The following ADAM12 variants were observed in gnomAD, a reference collection of about 807,000 sequenced individuals.
ADAM12 encodes ADAM metallopeptidase domain 12, also known as disintegrin and metalloproteinase domain-containing protein 12.
ADAM12 carries 70 observed loss-of-function variants against 106.4 expected under a neutral mutation model. That is an observed-to-expected ratio of 0.66 (90% CI 0.54 to 0.80). ADAM12 has a LOEUF of 0.80. ADAM12 is among the 30% of genes least tolerant of loss of function. The pLI, the probability that ADAM12 is intolerant of heterozygous loss-of-function variation, is 0.00. For missense variants in ADAM12, 1,010 were observed against 1,171.9 expected (o/e 0.86, Z 2.02); for synonymous variants, 420 against 433.5 (o/e 0.97, Z 0.39).
At chr10:126,208,151 T>TA (rs1387757876) in intron 3 of ADAM12, among the ~76,000 whole-genome samples, 4 of 152,180 alleles carry the variant, frequency 2.6e-5, no homozygotes, top group African/African-American at 9.7e-5. Context: ...CTGGGAGATT[T>TA]AAAGAAGCCA....
intron 2 of ADAM12, among the ~76,000 whole-genome samples, chr10:126,322,789 T>C (rs938534855): frequency 6.6e-6 from 1 of 152,200 alleles, no homozygotes; most frequent in African/African-American, 2.4e-5. Context: ...GGTTCCAACA[T>C]CCACGGTTCT....
At chr10:126,343,211 A>G (rs1413742898) in intron 1 of ADAM12, among the ~76,000 whole-genome samples, 1 of 119,874 alleles carries the variant, frequency 8.3e-6, no homozygotes, top group African/African-American at 3.2e-5. Flanking sequence ...CTGGTGTGTG[A>G]TGTTCTCTTT....
chr10:126,161,380 G>A (rs888178550), intron 3 of ADAM12, among the ~76,000 whole-genome samples: 4 of 152,186 alleles, frequency 2.6e-5, no homozygotes, highest in Non-Finnish European at 5.9e-5. Context: ...CCAAGGTCAT[G>A]CCATCCATGA....
chr10:126,206,768 CA>C (rs1234573426), intron 3 of ADAM12, among the ~76,000 whole-genome samples: 14 of 142,190 alleles, frequency 9.8e-5, no homozygotes, highest in Admixed American at 4.6e-4. Flanking sequence ...TCTCTGCAGG[CA>C]GGGAGGAAGG....
At position 126,340,404 on chromosome 10, in the gene ADAM12, C is replaced by G. The variant is rs1382261451; in HGVS notation, c.89-9895G>C. Among the ~76,000 whole-genome samples the G allele has an allele frequency of 2.0e-5, 3 of 152,166 alleles. No homozygotes were observed. The South Asian group carries it at 6.2e-4, about 32-fold the overall frequency. ...TACCTTGTTTAAACCCAACAACAACCCTGTGATATTTATCCCCATCTCATA... is the reference window on the plus strand; with the variant it reads ...TACCTTGTTTAAACCCAACAACAACGCTGTGATATTTATCCCCATCTCATA... On this transcript the variant is annotated intron_variant, in intron 1 of 22. Transcript: ENST00000448723.
chr10:126,098,562 T>C (rs1565054860), intron 9 of ADAM12, 62 bp from the exon 10 acceptor site: 37 of 1,412,388 alleles, frequency 2.6e-5, no homozygotes, highest in Non-Finnish European at 3.6e-5. Context: ...CTCTAATATT[T>C]AAAAATTCTG....
At chr10:126,259,816 A>G (rs768267259) in intron 3 of ADAM12, among the ~76,000 whole-genome samples, 13 of 152,240 alleles carry the variant, frequency 8.5e-5, no homozygotes, top group South Asian at 2.1e-4. Context: ...TGGGCCAAAC[A>G]TCTAACACTG....
intron 2 of ADAM12, among the ~76,000 whole-genome samples, chr10:126,290,939 T>C (rs1017832167): frequency 6.6e-6 from 1 of 152,214 alleles, no homozygotes; most frequent in Non-Finnish European, 1.5e-5. Flanking sequence ...GTGTAGAATG[T>C]TTTAAGCTAA....
At chr10:126,324,997 G>C (rs1854242739) in intron 2 of ADAM12, among the ~76,000 whole-genome samples, 1 of 152,126 alleles carries the variant, frequency 6.6e-6, no homozygotes, top group African/African-American at 2.4e-5. Flanking sequence ...GCCCCTAGGT[G>C]CAAGTAGACC....
At chr10:126,292,428 C>T (rs1960194047) in intron 2 of ADAM12, among the ~76,000 whole-genome samples, 1 of 152,168 alleles carries the variant, frequency 6.6e-6, no homozygotes, top group African/African-American at 2.4e-5. Context: ...CAGCTCTCCC[C>T]TGGCTACTCT....
At position 126,135,574 on chromosome 10, in the gene ADAM12, G is replaced by C. The variant is rs773880941; in HGVS notation, c.416+10C>G. The C allele has an allele frequency of 6.2e-7, 1 of 1,613,468 alleles. No homozygotes were observed. The highest frequency in any genetic ancestry group is 1.3e-5 in the African/African-American group (1 of 75,012). ...TGAAGACTAGAGCCGCCATGGTCAT[G>C]GCCACTTACCTGAGACCAGAACACG... On this transcript the variant is annotated intron_variant, in intron 5 of 22. Transcript: ENST00000448723.
intron 1 of ADAM12, among the ~76,000 whole-genome samples, chr10:126,375,232 G>T (rs1348017697): frequency 6.6e-6 from 1 of 150,856 alleles, no homozygotes; most frequent in Non-Finnish European, 1.5e-5. Flanking sequence ...AGTGGAAGTG[G>T]TTTGCAAGAA....
chr10:126,089,040 G>A (rs1324254802), intron 11 of ADAM12, among the ~76,000 whole-genome samples: 3 of 151,992 alleles, frequency 2.0e-5, no homozygotes, highest in East Asian at 1.9e-4. Context: ...TGCACAACAC[G>A]AACACGCTGC....
At chr10:126,338,206 C>A (rs1312253815) in intron 1 of ADAM12, among the ~76,000 whole-genome samples, 1 of 151,784 alleles carries the variant, frequency 6.6e-6, no homozygotes, top group African/African-American at 2.4e-5. Flanking sequence ...ATGGTGCCTC[C>A]CAGCTGTGGG....
chr10:126,142,064 C>T (rs1956522399), intron 4 of ADAM12, among the ~76,000 whole-genome samples: 1 of 152,192 alleles, frequency 6.6e-6, no homozygotes, highest in African/African-American at 2.4e-5. Flanking sequence ...CCTCTCAACT[C>T]TAGGCCAGAC....
At chr10:126,250,691 CAT>C (rs1958729121) in intron 3 of ADAM12, among the ~76,000 whole-genome samples, 2 of 152,154 alleles carry the variant, frequency 1.3e-5, no homozygotes, top group Non-Finnish European at 2.9e-5. Flanking sequence ...TGTAGATTCA[CAT>C]GTGTTTATTA....
chr10:126,227,676 A>G (rs946615356), intron 3 of ADAM12, among the ~76,000 whole-genome samples: 1 of 152,188 alleles, frequency 6.6e-6, no homozygotes, highest in Non-Finnish European at 1.5e-5. Flanking sequence ...GCATTCAGGA[A>G]GGCACCGTGT....
chr10:126,055,527 C>G (rs897658508), intron 14 of ADAM12, among the ~76,000 whole-genome samples: 2 of 152,200 alleles, frequency 1.3e-5, no homozygotes, highest in African/African-American at 4.8e-5. Flanking sequence ...ACATTCTCCC[C>G]ATTTCAGAGA....
intron 5 of ADAM12, among the ~76,000 whole-genome samples, chr10:126,119,600 T>G (rs1471519641): frequency 9.9e-5 from 15 of 152,174 alleles, no homozygotes; most frequent in Admixed American, 9.8e-4. Context: ...TTTCTGGGAA[T>G]GACAATAACT....
Sources: gnomAD v4.1 joint callset for allele counts (sites outside exome capture counted in the v4.1 genomes callset) on GRCh38, gnomAD v4.1.1 for gene constraint, MANE v1.5 for transcripts, NCBI Gene and HGNC (gene_info 2026-07-23, HGNC 2026-07-21) for gene names.